STUM: variants seen among roughly 807,000 people sequenced by gnomAD.
The protein encoded by STUM is stum, mechanosensory transduction mediator homolog.
In STUM, 8 loss-of-function variants were observed where a neutral mutation model predicts 15.3. That is an observed-to-expected ratio of 0.52 (90% CI 0.31 to 0.94). The LOEUF (loss-of-function observed/expected upper bound fraction) is 0.94, where lower values mean the gene tolerates loss of function less well. Among genes scored for constraint, STUM ranks in the 40% least tolerant of loss-of-function variants. The pLI is 0.05. For synonymous variants in STUM, 78 were observed against 88.7 expected, an observed-to-expected ratio of 0.88 and a Z score of 0.68; for missense variants, 142 against 204.9, an observed-to-expected ratio of 0.69 and a Z score of 1.87.
chr1:226,575,688 C>G (rs563280973), intron 1 of STUM, among the ~76,000 whole-genome samples: 1 of 152,204 alleles, frequency 6.6e-6, no homozygotes, highest in Non-Finnish European at 1.5e-5. Context: ...TCTGGGAGGA[C>G]AAAAATAACT....
At chr1:226,553,695 T>A (rs1448106177) in intron 1 of STUM, among the ~76,000 whole-genome samples, 3 of 152,264 alleles carry the variant, frequency 2.0e-5, no homozygotes, top group Non-Finnish European at 4.4e-5. Context: ...AGAAAGGCTC[T>A]AAGCGCATAG....
At chr1:226,561,006 C>T (rs1321532379) in intron 1 of STUM, among the ~76,000 whole-genome samples, 1 of 152,158 alleles carries the variant, frequency 6.6e-6, no homozygotes, top group Non-Finnish European at 1.5e-5. Flanking sequence ...GTACACCTTC[C>T]TCCATCATCA....
chr1:226,576,414 A>G (rs1477325725), intron 1 of STUM, among the ~76,000 whole-genome samples: 1 of 152,222 alleles, frequency 6.6e-6, no homozygotes, highest in African/African-American at 2.4e-5. Context: ...CCATGATGAA[A>G]TGAAATTCAT....
At position 226,602,373 on chromosome 1, in the gene STUM, A is replaced by G. The variant is rs1668282794; in HGVS notation, c.*333A>G. ...TGTACCCACTGCCCACCGCAAAGGC[A>G]CGCCACGTCTGCTGGGCCGGGCCAC... On this transcript the variant is annotated 3_prime_UTR_variant, in exon 4 of 4. Transcript: ENST00000366788. 1 of 337,672 alleles carries G rather than the reference A, an allele frequency of 3.0e-6. No homozygotes were observed. Among genetic ancestry groups the G allele is most frequent in the Admixed American group, 4.1e-5 (1 of 24,304 alleles). The allele number at this position is 337,672 out of a possible 1,614,324, so 20.9% of individuals were successfully genotyped here. A position where few individuals can be genotyped will look rare whatever the true frequency, so the allele number is the denominator to read the frequency against.
At chr1:226,569,525 C>T (rs1003690765) in intron 1 of STUM, among the ~76,000 whole-genome samples, 2 of 152,284 alleles carry the variant, frequency 1.3e-5, no homozygotes, top group East Asian at 3.9e-4. Flanking sequence ...GATGTGCGGT[C>T]CCACACTGCA....
At chr1:226,597,449 AC>A in intron 2 of STUM, 1 of 472,366 alleles carries the variant, frequency 2.1e-6, no homozygotes, top group Middle Eastern at 3.2e-4. Context: ...TCAATAATTG[AC>A]CTCACCTCTC....
At chr1:226,575,315 T>A (rs887823758) in intron 1 of STUM, among the ~76,000 whole-genome samples, 2 of 152,200 alleles carry the variant, frequency 1.3e-5, no homozygotes, top group African/African-American at 4.8e-5. Flanking sequence ...GATAGTGTGG[T>A]GGGAATGCAG....
At position 226,607,038 on chromosome 1, in the gene STUM, C is replaced by T. The variant is rs1041521085; in HGVS notation, c.*4998C>T. 2.0e-5 allele frequency: 3 copies of T among 152,444 alleles called. No individual in the cohort carries two copies. The highest frequency in any genetic ancestry group is 7.2e-5 in the African/African-American group (3 of 41,456). The allele number at this position is 152,444 out of a possible 1,614,324, so 9.4% of individuals were successfully genotyped here. On this transcript the variant is annotated 3_prime_UTR_variant, in exon 4 of 4. Coordinates refer to ENST00000366788, the MANE Select transcript of STUM (RefSeq NM_001003665.4). ...ACACACTCTTCAAGGACTGCACTGC[C>T]CCTTCTCCCTCCTGAGAGCTCTGTG...
At chr1:226,590,020 G>A (rs979435696) in intron 1 of STUM, among the ~76,000 whole-genome samples, 2 of 151,942 alleles carry the variant, frequency 1.3e-5, no homozygotes, top group African/African-American at 4.8e-5. Flanking sequence ...CTTAGTATCT[G>A]CATATGAACC....
intron 1 of STUM, among the ~76,000 whole-genome samples, chr1:226,596,247 C>G (rs1029612401): frequency 1.4e-5 from 2 of 145,706 alleles, no homozygotes; most frequent in African/African-American, 2.6e-5. Flanking sequence ...AGTCTGCGCC[C>G]TCTACACTGC....
chr1:226,582,586 A>G (rs1446541795), intron 1 of STUM, among the ~76,000 whole-genome samples: 1 of 109,996 alleles, frequency 9.1e-6, no homozygotes, highest in Admixed American at 1.0e-4. Flanking sequence ...CAAGAGCAAC[A>G]TGCCATCTCA....
chr1:226,566,645 GA>G (rs1667630693), intron 1 of STUM, among the ~76,000 whole-genome samples: 1 of 151,954 alleles, frequency 6.6e-6, no homozygotes, highest in Admixed American at 6.6e-5. Flanking sequence ...CCTCTTAATA[GA>G]AAAAAATCAA....
Position 226,549,099 on chromosome 1 carries a change from G to A in STUM, c.195G>A (p.Pro65=), listed in dbSNP as rs775758440. 8 of 1,579,016 alleles carry A rather than the reference G, an allele frequency of 5.1e-6. No homozygotes were observed. In the South Asian group the frequency reaches 5.7e-5, roughly 11 times the overall value. The change falls in exon 1 of 4, where the codon CCG becomes CCA. Residue 65 remains proline (P), a synonymous_variant. Coordinates refer to ENST00000366788, the MANE Select transcript of STUM (RefSeq NM_001003665.4). This position sits in a 1 kb window ranked among gnomAD's most constrained non-coding sequence, Gnocchi z 6.8. The part of the protein sequence containing the change: ...VICLFLNTFV[P]GLGTFVSAFT... ...GCCTCTTCCTCAACACTTTCGTGCCGGGACTGGGTAAGACACGGCTGCCGC... is the reference window on the plus strand; with the variant it reads ...GCCTCTTCCTCAACACTTTCGTGCCAGGACTGGGTAAGACACGGCTGCCGC...
chr1:226,567,219 G>C lies in STUM; in HGVS notation c.202+18113G>C, dbSNP rs1440233590. Reference sequence around the variant, plus strand: ...AGATTGACCTGAAATCTCTTCCCGAGCCTTGCTTTCAAAAAGCCTTTGAAG... The same window carrying C: ...AGATTGACCTGAAATCTCTTCCCGACCCTTGCTTTCAAAAAGCCTTTGAAG... On this transcript the variant is annotated intron_variant, in intron 1 of 3. Coordinates refer to ENST00000366788, the MANE Select transcript of STUM (RefSeq NM_001003665.4). This position sits in a 1 kb window ranked among gnomAD's most constrained non-coding sequence, Gnocchi z 4.5. Among the ~76,000 whole-genome samples, 1 of 152,170 alleles carries C rather than the reference G, an allele frequency of 6.6e-6. No individual in the cohort carries two copies. Among genetic ancestry groups the C allele is most frequent in the Non-Finnish European group, 1.5e-5 (1 of 68,032 alleles).
At chr1:226,571,102 G>T (rs897154274) in intron 1 of STUM, among the ~76,000 whole-genome samples, 8 of 151,996 alleles carry the variant, frequency 5.3e-5, no homozygotes, top group Admixed American at 5.2e-4. Context: ...ATGGTGGTGG[G>T]CACCTGTAAT....
At chr1:226,583,754 T>C (rs1667952587) in intron 1 of STUM, among the ~76,000 whole-genome samples, 2 of 152,240 alleles carry the variant, frequency 1.3e-5, no homozygotes. Context: ...TAACAGATTC[T>C]CTGACTTTTG....
At chr1:226,592,140 C>T (rs963383323) in intron 1 of STUM, among the ~76,000 whole-genome samples, 34 of 152,310 alleles carry the variant, frequency 2.2e-4, no homozygotes, top group African/African-American at 6.0e-4. Context: ...CTCTGCCTCC[C>T]GGCTTCAAAC....
intron 1 of STUM, among the ~76,000 whole-genome samples, chr1:226,582,644 A>G (rs1460229747): frequency 2.0e-5 from 3 of 151,438 alleles, no homozygotes; most frequent in African/African-American, 7.3e-5. Context: ...GGGTCACCCC[A>G]AAGTCAATCT....
intron 1 of STUM, among the ~76,000 whole-genome samples, chr1:226,559,537 A>G (rs1377584096): frequency 6.6e-6 from 1 of 152,196 alleles, no homozygotes; most frequent in Non-Finnish European, 1.5e-5. Flanking sequence ...ACTGCGGAGG[A>G]CAACTGCACA....
Sources: allele counts gnomAD v4.1 joint callset (sites outside exome capture counted in the v4.1 genomes callset), GRCh38; gene constraint gnomAD v4.1.1; non-coding constraint Gnocchi (gnomAD v3.1); transcripts MANE v1.5; gene names NCBI Gene and HGNC (gene_info 2026-07-23, HGNC 2026-07-21).